Variants in PHIP observed in about 807,000 individuals in gnomAD.
The protein encoded by PHIP is PHIP subunit of CUL4-Ring ligase complex.
A neutral mutation model predicts 236.8 loss-of-function variants in PHIP; 54 were observed. That is an observed-to-expected ratio of 0.23 (90% CI 0.18 to 0.29). The LOEUF is 0.29. Among genes scored for constraint, PHIP ranks in the 10% least tolerant of loss-of-function variants. PHIP has a pLI of 1.00. For missense variants in PHIP, 1,370 were observed against 2,190.8 expected (o/e 0.63, Z 7.48); for synonymous variants, 756 against 718.9 (o/e 1.05, Z -0.83).
At chr6:79,015,971 C>T (rs1412128733) in intron 13 of PHIP, among the ~76,000 whole-genome samples, 188 bp from the exon 14 acceptor site, 1 of 151,810 alleles carries the variant, frequency 6.6e-6, no homozygotes, top group Non-Finnish European at 1.5e-5. Context: ...TCCAGGATTT[C>T]CAGAATTCTA....
intron 7 of PHIP, among the ~76,000 whole-genome samples, chr6:79,029,322 T>C (rs1171531896): frequency 6.6e-6 from 1 of 152,182 alleles, no homozygotes; most frequent in Non-Finnish European, 1.5e-5. Flanking sequence ...TTCTATCTCA[T>C]ATATCATCGC....
intron 35 of PHIP, among the ~76,000 whole-genome samples, chr6:78,953,369 T>C (rs900240720): frequency 3.3e-5 from 5 of 152,214 alleles, no homozygotes; most frequent in African/African-American, 1.2e-4. Flanking sequence ...AATAAAAACA[T>C]TGTCTTATTT....
Position 78,988,225 on chromosome 6 carries a change from C to T in PHIP, c.2444G>A (p.Gly815Asp), listed in dbSNP as rs1484526877. 1.3e-6 allele frequency: 2 copies of T among 1,580,414 alleles called. No homozygotes were observed. Among genetic ancestry groups the T allele is most frequent in the East Asian group, 4.6e-5 (2 of 43,654 alleles). Reference protein sequence around the residue: ...TPRPSEEIENGSSSSDEGEVV... With the variant: ...TPRPSEEIENDSSSSDEGEVV... Reference sequence around the variant, plus strand: ...ATATCTTACATCTGAAGAACTACTGCCATTTTCTATCTCTTCTGAGGGTCT... The same window carrying T: ...ATATCTTACATCTGAAGAACTACTGTCATTTTCTATCTCTTCTGAGGGTCT... Residue 815 changes from glycine (G) to aspartate (D), a missense_variant, in exon 21 of 40, where the codon GGC (glycine) becomes GAC (aspartate). Around this residue, in one of 14 missense-constraint regions of PHIP, gnomAD observed 99 missense variants for 110.0 expected, o/e 0.90. Transcript: ENST00000275034.
At chr6:78,955,584 T>C (rs376662473) in intron 33 of PHIP, 29 bp downstream of exon 33, 29 of 729,472 alleles carry the variant, frequency 4.0e-5, no homozygotes, top group African/African-American at 9.0e-5. Context: ...AGAATATCAA[T>C]ATGGTAATAA....
intron 6 of PHIP, 34 bp from the exon 7 acceptor site, chr6:79,043,037 T>G: frequency 6.5e-7 from 1 of 1,546,646 alleles, no homozygotes. Flanking sequence ...AAATGTAATC[T>G]GGAAATTAAT....
chr6:79,010,704 C>T (rs1770531906), intron 15 of PHIP, among the ~76,000 whole-genome samples: 1 of 151,658 alleles, frequency 6.6e-6, no homozygotes, highest in South Asian at 2.1e-4. Flanking sequence ...TAAAGCAAAA[C>T]CGCCAGAAAC....
chr6:79,012,499 C>CA (rs1582220937), intron 15 of PHIP, among the ~76,000 whole-genome samples: 1 of 151,502 alleles, frequency 6.6e-6, no homozygotes, highest in East Asian at 1.9e-4. Context: ...TCTAATAGAC[C>CA]AAAGCACTAT....
At position 79,025,563 on chromosome 6, in the gene PHIP, G is replaced by A. The variant is rs776833281; in HGVS notation, c.879C>T (p.Gly293=). 1.2e-6 allele frequency: 2 copies of A among 1,611,918 alleles called. No homozygotes were observed. The highest frequency in any genetic ancestry group is 1.7e-5 in the Admixed American group (1 of 59,992). The change falls in exon 9 of 40, where the codon GGC becomes GGT. Residue 293 remains glycine (G), a synonymous_variant. Transcript: ENST00000275034. ...KRYLSSTGAD[G]TICFWLWDAG... is the part of the protein sequence containing the mutation. ...CATCCCAGAGCCAAAAACAAATAGT[G>A]CCATCTGCCCCAGTAGAAGATAGAT...
intron 15 of PHIP, among the ~76,000 whole-genome samples, chr6:79,012,645 T>C (rs986525864): frequency 2.6e-5 from 4 of 151,744 alleles, no homozygotes; most frequent in Non-Finnish European, 4.4e-5. Flanking sequence ...GAAAAACTTA[T>C]TGATTAGCTA....
chr6:78,965,339 C>T (rs1021415779), intron 29 of PHIP, among the ~76,000 whole-genome samples: 24 of 152,124 alleles, frequency 1.6e-4, no homozygotes, highest in African/African-American at 5.8e-4. Context: ...GAACTGATGT[C>T]CGTCTCACTC....
intron 4 of PHIP, among the ~76,000 whole-genome samples, chr6:79,077,071 A>G (rs1196253150): frequency 1.3e-5 from 2 of 152,070 alleles, no homozygotes; most frequent in Non-Finnish European, 2.9e-5. Flanking sequence ...CGAGCAAGCG[A>G]ACGAGCGAGC....
rs531894324 is a variant in PHIP at position 79,077,934 on chromosome 6, G to A, written c.41-21C>T. On this transcript the variant is annotated intron_variant, in intron 1 of 39. Coordinates refer to ENST00000275034, the MANE Select transcript of PHIP (RefSeq NM_017934.7). ...GAGCTCTGCGCGGGAGAGAGGGACGGGGAGACACACAGGCTGAGCGGTCGG... is the reference window on the plus strand; with the variant it reads ...GAGCTCTGCGCGGGAGAGAGGGACGAGGAGACACACAGGCTGAGCGGTCGG... The A allele has an allele frequency of 7.3e-5, 117 of 1,594,016 alleles. 1 individual carries two copies. In the African/African-American group the frequency reaches 1.4e-3, roughly 19 times the overall value.
chr6:79,077,830 C>G, intron 2 of PHIP, 25 bp downstream of exon 2: 2 of 1,378,714 alleles, frequency 1.5e-6, no homozygotes, highest in Non-Finnish European at 1.9e-6. Context: ...AGCGCCGGCC[C>G]GGCCCGCGCC....
rs370881746 is a variant in PHIP at position 78,971,516 on chromosome 6, G to A, written c.2890-628C>T. ...TTCTATTCATTAATACCATTATTGC[G>A]GGGAGGGGCCAAGATGGCCGAATAG... On this transcript the variant is annotated intron_variant, in intron 24 of 39. Coordinates refer to ENST00000275034, the MANE Select transcript of PHIP (RefSeq NM_017934.7). 6.2e-4 allele frequency among the ~76,000 whole-genome samples: 95 copies of A among 152,212 alleles called. 1 individual carries two copies. Among genetic ancestry groups the A allele is most frequent in the East Asian group, 4.1e-3 (21 of 5,162 alleles).
At chr6:78,972,928 G>A (rs1480232743) in intron 24 of PHIP, among the ~76,000 whole-genome samples, 6 of 152,182 alleles carry the variant, frequency 3.9e-5, no homozygotes, top group Non-Finnish European at 2.9e-5. Flanking sequence ...GTGATGGGGA[G>A]AATGGAACCA....
Position 78,940,108 on chromosome 6 carries a change from C to G in PHIP, c.*585G>C, listed in dbSNP as rs1312902375. 6.6e-6 allele frequency: 1 copy of G among 152,302 alleles called. No individual in the cohort carries two copies. The highest frequency in any genetic ancestry group is 1.5e-5 in the Non-Finnish European group (1 of 67,902). 9.4% of individuals were successfully genotyped at this position (152,302 alleles called of 1,614,324 possible). ...CAGAAATGGAATAAAGCAAAAGCCTCCTCTAGATACTTTGTAGATGAACAT... is the reference window on the plus strand; with the variant it reads ...CAGAAATGGAATAAAGCAAAAGCCTGCTCTAGATACTTTGTAGATGAACAT... On this transcript the variant is annotated 3_prime_UTR_variant, in exon 40 of 40. Coordinates refer to ENST00000275034, the MANE Select transcript of PHIP (RefSeq NM_017934.7).
intron 39 of PHIP, among the ~76,000 whole-genome samples, chr6:78,944,612 G>T (rs1030767779): frequency 6.6e-6 from 1 of 152,150 alleles, no homozygotes; most frequent in Non-Finnish European, 1.5e-5. Context: ...ATGACTCCCT[G>T]ATTTTAAGTT....
chr6:78,977,764 GT>G (rs1768213722), intron 24 of PHIP, among the ~76,000 whole-genome samples: 1 of 152,176 alleles, frequency 6.6e-6, no homozygotes, highest in Non-Finnish European at 1.5e-5. Flanking sequence ...ATGTGGTAAT[GT>G]TCTGTGCTCT....
Position 78,958,552 on chromosome 6 carries a change from T to A in PHIP, c.3705A>T (p.Thr1235=). 6.3e-7 allele frequency: 1 copy of A among 1,577,846 alleles called. No homozygotes were observed. Among genetic ancestry groups the A allele is most frequent in the East Asian group, 2.2e-5 (1 of 44,612 alleles). Residue 1235 remains threonine, a synonymous_variant, in exon 32 of 40, where the codon ACA becomes ACT. Coordinates refer to ENST00000275034, the MANE Select transcript of PHIP (RefSeq NM_017934.7). ...GGCTTCCAGGCTCATTAAATGTTCG[T>A]GTATTATGCTCTATATATCGAACTT... ...MWEVRYIEHN[T]RTFNEPGSPI...
Sources: allele counts gnomAD v4.1 joint callset (sites outside exome capture counted in the v4.1 genomes callset), GRCh38; gene constraint gnomAD v4.1.1; regional missense constraint gnomAD v4.1.1; transcripts MANE v1.5; gene names NCBI Gene and HGNC (gene_info 2026-07-23, HGNC 2026-07-21).